Variants in RHBDF2 observed in about 807,000 individuals in gnomAD.
RHBDF2 encodes rhomboid 5 homolog 2.
RHBDF2 carries 38 observed loss-of-function variants against 95.2 expected under a neutral mutation model. That is an observed-to-expected ratio of 0.40 (90% confidence interval 0.31 to 0.52). RHBDF2 has a LOEUF of 0.52. Among genes scored for constraint, RHBDF2 ranks in the 20% least tolerant of loss-of-function variants. RHBDF2 has a pLI of 0.56. For synonymous variants in RHBDF2, 442 were observed against 462.0 expected (o/e 0.96, Z 0.55); for missense variants, 863 against 1,137.7 (o/e 0.76, Z 3.47).
At chr17:76,480,035 G>A (rs1598669881) in intron 3 of RHBDF2, 181 bp from the exon 4 acceptor site, 11 of 282,206 alleles carry the variant, frequency 3.9e-5, no homozygotes, top group East Asian at 7.9e-5. Flanking sequence ...GTGTGTGTGT[G>A]TGTGTGTTTG....
rs779006831 is a variant in RHBDF2, at chr17:76,473,860, G to A, written c.1617C>T (p.Pro539=). The change falls in exon 14 of 19, where the codon CCC becomes CCT. Residue 539 remains proline, a synonymous_variant. Coordinates refer to ENST00000675367, the MANE Select transcript of RHBDF2 (RefSeq NM_001005498.4). ...EPASSGAHIW[P]DDITKWPICT... ...TCACCGGCCACTTAGTGATGTCATC[G>A]GGCCAGATGTGGGCACCGCTGGAGG... The A allele has an allele frequency of 2.7e-5, 44 of 1,613,916 alleles. No individual in the cohort carries two copies. The East Asian group carries it at 6.0e-4, about 22-fold the overall frequency.
rs2073853348 is a variant in RHBDF2 at position 76,478,819 on chromosome 17, G to A, written c.659C>T (p.Ala220Val). 6.2e-7 allele frequency: 1 copy of A among 1,612,548 alleles called. No homozygotes were observed. The highest frequency in any genetic ancestry group is 8.5e-7 in the Non-Finnish European group (1 of 1,179,434). Residue 220 changes from alanine (A) to valine (V), a missense_variant, in exon 6 of 19, where the codon GCT becomes GTT. Transcript: ENST00000675367. Reference sequence around the variant, plus strand: ...GGAGCCCCGCACCTTGAGGAGGGCAGCGGCAGCTTGCAAGCTCATGTGGGC... The same window carrying A: ...GGAGCCCCGCACCTTGAGGAGGGCAACGGCAGCTTGCAAGCTCATGTGGGC... ...SVAHMSLQAA[A>V]ALLKGRSVLD...
intron 2 of RHBDF2, among the ~76,000 whole-genome samples, chr17:76,484,510 C>T (rs2074064184): frequency 1.3e-5 from 2 of 152,006 alleles, no homozygotes; most frequent in South Asian, 4.2e-4. Context: ...CCATCTCCAC[C>T]TCACCTCCAC....
intron 9 of RHBDF2, 113 bp downstream of exon 9, chr17:76,476,717 C>T (rs1433063367): frequency 1.7e-5 from 24 of 1,425,172 alleles, no homozygotes; most frequent in Non-Finnish European, 2.1e-5. Flanking sequence ...ACTCCTGATC[C>T]GCAGAAGATG....
At chr17:76,478,747 G>T in intron 6 of RHBDF2, 59 bp downstream of exon 6, 2 of 1,423,636 alleles carry the variant, frequency 1.4e-6, no homozygotes, top group East Asian at 2.3e-5. Flanking sequence ...GAGTGGAAGG[G>T]AGGGGCAAGG....
At chr17:76,501,290 A>C (rs1358213025) in intron 1 of RHBDF2, 63 bp downstream of exon 1, 1 of 151,876 alleles carries the variant, frequency 6.6e-6, no homozygotes, top group Non-Finnish European at 1.5e-5. Flanking sequence ...CAACCTCGGG[A>C]CCCTTCCGGC....
At chr17:76,472,189 G>T in intron 18 of RHBDF2, 137 bp from the exon 19 acceptor site, 2 of 781,038 alleles carry the variant, frequency 2.6e-6, no homozygotes, top group Non-Finnish European at 4.0e-6. Context: ...CAGGGGGTCG[G>T]CTGGAGCTGC....
chr17:76,481,978 C>G, intron 2 of RHBDF2: 1 of 101,818 alleles, frequency 9.8e-6, no homozygotes, highest in South Asian at 4.2e-4. Context: ...CACACACACA[C>G]ACACACACAC....
intron 18 of RHBDF2, chr17:76,472,396 G>GTAGTGTA: frequency 1.7e-6 from 1 of 590,672 alleles, no homozygotes; most frequent in South Asian, 1.9e-5. Flanking sequence ...GGCGCACGGA[G>GTAGTGTA]GCCATTTCCT....
chr17:76,472,135 T>C, intron 18 of RHBDF2, 83 bp from the exon 19 acceptor site: 1 of 1,352,922 alleles, frequency 7.4e-7, no homozygotes, highest in Non-Finnish European at 9.9e-7. Flanking sequence ...ATCCCATCGA[T>C]CAGCTCCTCC....
intron 1 of RHBDF2, among the ~76,000 whole-genome samples, chr17:76,490,286 C>G (rs146354299): frequency 6.6e-6 from 1 of 152,162 alleles, no homozygotes; most frequent in Non-Finnish European, 1.5e-5. Flanking sequence ...CCTGACCCCA[C>G]CCCCCAGGGC....
At chr17:76,474,207 G>A in intron 12 of RHBDF2, 65 bp from the exon 13 acceptor site, 2 of 1,355,640 alleles carry the variant, frequency 1.5e-6, no homozygotes, top group Non-Finnish European at 2.0e-6. Context: ...GAGTGGGCAA[G>A]GACAGAGGCT....
In RHBDF2 at chr17:76,473,331, A is replaced by T. The variant is rs367688592; in HGVS notation, c.1734-4T>A. On this transcript the variant is annotated splice_region_variant and splice_polypyrimidine_tract_variant and intron_variant, in intron 15 of 18. Transcript: ENST00000675367. Reference sequence around the variant, plus strand: ...TTCCCGGGTGGTGATCTCACAGCTAAGGGGGTGGTGAGGCAAGAGGGGACA... The same window carrying T: ...TTCCCGGGTGGTGATCTCACAGCTATGGGGGTGGTGAGGCAAGAGGGGACA... 4 of 1,609,864 alleles carry T rather than the reference A, an allele frequency of 2.5e-6. No homozygotes were observed. Among genetic ancestry groups the T allele is most frequent in the South Asian group, 1.1e-5 (1 of 90,274 alleles).
At chr17:76,493,645 G>A (rs1214334204) in intron 1 of RHBDF2, among the ~76,000 whole-genome samples, 1 of 152,060 alleles carries the variant, frequency 6.6e-6, no homozygotes, top group Non-Finnish European at 1.5e-5. Flanking sequence ...CCAGCTGTCT[G>A]TCTCCAGGAG....
At chr17:76,495,193 C>A (rs935919652) in intron 1 of RHBDF2, among the ~76,000 whole-genome samples, 2 of 152,206 alleles carry the variant, frequency 1.3e-5, no homozygotes, top group Non-Finnish European at 2.9e-5. Flanking sequence ...CAGCACAAGC[C>A]CAGCGGTTGG....
Position 76,479,145 on chromosome 17 carries a change from G to T in RHBDF2, c.405C>A (p.Leu135=). 6.2e-7 allele frequency: 1 copy of T among 1,613,460 alleles called. No homozygotes were observed. The highest frequency in any genetic ancestry group is 8.5e-7 in the Non-Finnish European group (1 of 1,179,846). ...GGAAGGACGGTGCCTCCTGGCTGGG[G>T]AGCTCCAGGTCACGCTGGCACGAGG... ...LKASCQRDLE[L]PSQEAPSFQG... The change falls in exon 5 of 19, where the codon CTC becomes CTA. Residue 135 remains leucine (L), a synonymous_variant. Transcript: ENST00000675367.
chr17:76,489,732 C>T (rs1453775798), intron 1 of RHBDF2, among the ~76,000 whole-genome samples: 1 of 152,210 alleles, frequency 6.6e-6, no homozygotes, highest in Non-Finnish European at 1.5e-5. Flanking sequence ...CTGTGCGGGG[C>T]CTTGTTTGGC....
At chr17:76,485,558 G>A (rs983443288) in intron 2 of RHBDF2, among the ~76,000 whole-genome samples, 1 of 25,640 alleles carries the variant, frequency 3.9e-5, no homozygotes, top group Non-Finnish European at 1.3e-4. Context: ...TGCACTCCAG[G>A]CCTCCAGCCT....
Position 76,471,621 on chromosome 17 carries a change from G to C in RHBDF2, c.*12C>G. 6.4e-7 allele frequency: 1 copy of C among 1,572,544 alleles called. No individual in the cohort carries two copies. On this transcript the variant is annotated 3_prime_UTR_variant, in exon 19 of 19. Transcript: ENST00000675367. ...TCCAGCAGGGCTGAGGGGCAGCCGT[G>C]TGGCCCAGCGGTCAGTGCAGCACCT... is the stretch of plus-strand genomic sequence containing the variant.
Sources: gnomAD v4.1 joint callset for allele counts (sites outside exome capture counted in the v4.1 genomes callset) on GRCh38, gnomAD v4.1.1 for gene constraint, MANE v1.5 for transcripts, NCBI Gene and HGNC (gene_info 2026-07-23, HGNC 2026-07-21) for gene names.